Variants in FAM228B observed in about 807,000 individuals in gnomAD.
FAM228B encodes the protein protein FAM228B.
FAM228B carries 38 observed loss-of-function variants against 42.6 expected under a neutral mutation model. The observed-to-expected ratio is 0.89, with a 90% CI of 0.69 to 1.17. The LOEUF (loss-of-function observed/expected upper bound fraction) is 1.17. FAM228B is among the 50% of genes most tolerant of loss of function. The pLI is 0.00. For missense variants in FAM228B, 344 were observed against 367.3 expected, an observed-to-expected ratio of 0.94 and a Z score of 0.52; for synonymous variants, 109 against 122.3, an observed-to-expected ratio of 0.89 and a Z score of 0.72.
intron 3 of FAM228B, among the ~76,000 whole-genome samples, chr2:24,137,547 C>T (rs1666619191): frequency 6.6e-6 from 1 of 152,142 alleles, no homozygotes; most frequent in Non-Finnish European, 1.5e-5. Flanking sequence ...GGCTAGAGTG[C>T]AGTGTCCCAG....
At chr2:24,117,906 T>C (rs1016136268) in intron 3 of FAM228B, among the ~76,000 whole-genome samples, 2 of 152,340 alleles carry the variant, frequency 1.3e-5, no homozygotes, top group Admixed American at 6.5e-5. Flanking sequence ...CATACGACCA[T>C]TTCCAAGATA....
intron 3 of FAM228B, among the ~76,000 whole-genome samples, chr2:24,101,974 G>A (rs369989626): frequency 6.6e-6 from 1 of 152,036 alleles, no homozygotes; most frequent in South Asian, 2.1e-4. Flanking sequence ...GAGCTACCGC[G>A]CCCGGTCCCT....
chr2:24,146,609 G>C (rs1666900113), intron 5 of FAM228B, 139 bp from the exon 6 acceptor site: 1 of 557,630 alleles, frequency 1.8e-6, no homozygotes, highest in African/African-American at 1.9e-5. Flanking sequence ...AAATATAATG[G>C]TAAGCCTGCT....
intron 7 of FAM228B, among the ~76,000 whole-genome samples, chr2:24,159,497 G>T (rs1667239134): frequency 6.6e-6 from 1 of 152,186 alleles, no homozygotes; most frequent in Admixed American, 6.5e-5. Flanking sequence ...AGTTTCTTGG[G>T]ATTTAAATCA....
intron 7 of FAM228B, among the ~76,000 whole-genome samples, chr2:24,150,575 C>G (rs972273336): frequency 2.6e-5 from 4 of 152,028 alleles, no homozygotes; most frequent in Admixed American, 6.6e-5. Context: ...CAGCTGTGCA[C>G]CACCATACCC....
intron 3 of FAM228B, chr2:24,115,718 G>T: frequency 2.4e-6 from 3 of 1,240,334 alleles, no homozygotes; most frequent in Non-Finnish European, 3.5e-6. Flanking sequence ...TGACTGCCAT[G>T]TGCTAGGCAC....
At chr2:24,115,544 C>G (rs371600660) in intron 3 of FAM228B, 2 of 1,578,696 alleles carry the variant, frequency 1.3e-6, no homozygotes, top group East Asian at 4.5e-5. Flanking sequence ...CAATTTTCTT[C>G]TAAAATAATA....
At chr2:24,157,444 A>G (rs752367009) in intron 7 of FAM228B, among the ~76,000 whole-genome samples, 9 of 152,154 alleles carry the variant, frequency 5.9e-5, no homozygotes, top group Non-Finnish European at 1.3e-4. Context: ...GGAAAGTTAA[A>G]AAAAAAATTC....
intron 2 of FAM228B, among the ~76,000 whole-genome samples, chr2:24,134,014 A>G (rs1666520806): frequency 6.6e-6 from 1 of 152,228 alleles, no homozygotes; most frequent in South Asian, 2.1e-4. Context: ...AATACTGTCT[A>G]AGAAATTTGT....
intron 8 of FAM228B, among the ~76,000 whole-genome samples, chr2:24,163,192 C>T (rs989182220): frequency 1.3e-5 from 2 of 152,066 alleles, no homozygotes; most frequent in Non-Finnish European, 1.5e-5. Context: ...AAAAAGTGCC[C>T]GAAGTAAGCT....
intron 2 of FAM228B, among the ~76,000 whole-genome samples, chr2:24,086,978 T>C (rs1458344577): frequency 6.6e-6 from 1 of 152,148 alleles, no homozygotes; most frequent in Non-Finnish European, 1.5e-5. Flanking sequence ...TTAAGATAGA[T>C]GAGGAATGTG....
intron 3 of FAM228B, among the ~76,000 whole-genome samples, chr2:24,104,099 A>G (rs1665660886): frequency 6.6e-6 from 1 of 152,206 alleles, no homozygotes; most frequent in Admixed American, 6.5e-5. Flanking sequence ...AGAGGAACAC[A>G]GAGTGCAGAA....
intron 2 of FAM228B, among the ~76,000 whole-genome samples, chr2:24,086,476 C>G (rs550351665): frequency 6.6e-5 from 10 of 151,880 alleles, no homozygotes; most frequent in African/African-American, 2.2e-4. Context: ...AAATGGCTTC[C>G]TTCTCTCCCT....
At chr2:24,116,856 G>A (rs988213244) in intron 3 of FAM228B, among the ~76,000 whole-genome samples, 2 of 148,168 alleles carry the variant, frequency 1.3e-5, no homozygotes, top group Non-Finnish European at 3.0e-5. Context: ...TAGCCTGGCT[G>A]ATAGAATGAA....
rs754236586 is a variant in FAM228B at position 24,114,446 on chromosome 2, G to A, written c.-121+19217G>A. ...GTCTGGAAGGGTCAGATGTAAGAGGGACAGGGGCATTTTTGCAAAATTAAA... is the reference window on the plus strand; with the variant it reads ...GTCTGGAAGGGTCAGATGTAAGAGGAACAGGGGCATTTTTGCAAAATTAAA... On this transcript the variant is annotated intron_variant, in intron 3 of 10. Transcript: ENST00000613899. Among the ~76,000 whole-genome samples, 11 of 152,202 alleles carry A rather than the reference G, an allele frequency of 7.2e-5. 1 individual carries two copies. The highest frequency in any genetic ancestry group is 2.2e-4 in the African/African-American group (9 of 41,530).
chr2:24,144,847 A>AC (rs1042591547), intron 5 of FAM228B, among the ~76,000 whole-genome samples: 3 of 151,822 alleles, frequency 2.0e-5, no homozygotes, highest in African/African-American at 7.3e-5. Context: ...AGCCACCAGC[A>AC]CCCCCACCCG....
upstream of FAM228B, among the ~76,000 whole-genome samples, chr2:24,121,555 T>TC (rs1232803199): frequency 6.6e-6 from 1 of 152,220 alleles, no homozygotes. Context: ...TGGCTGTTTT[T>TC]CCTCTACAAT....
intron 7 of FAM228B, among the ~76,000 whole-genome samples, chr2:24,149,415 A>G (rs575381127): frequency 6.6e-6 from 1 of 152,228 alleles, no homozygotes; most frequent in Admixed American, 6.5e-5. Context: ...GATATAAGCC[A>G]TTTTAACTGG....
upstream of FAM228B, among the ~76,000 whole-genome samples, chr2:24,122,046 T>C (rs1666134466): frequency 6.6e-6 from 1 of 152,218 alleles, no homozygotes; most frequent in Admixed American, 6.5e-5. Flanking sequence ...AAAAGTCATG[T>C]CTGGGCTGGG....
Sources: allele counts gnomAD v4.1 joint callset (sites outside exome capture counted in the v4.1 genomes callset), GRCh38; gene constraint gnomAD v4.1.1; transcripts MANE v1.5; gene names NCBI Gene and HGNC (gene_info 2026-07-23, HGNC 2026-07-21).